Variants in THRA observed in about 807,000 individuals in gnomAD.
THRA encodes the protein EAR-7.
In THRA, 13 loss-of-function variants were observed where a neutral mutation model predicts 45.0. That is an observed-to-expected ratio of 0.29 (90% confidence interval 0.19 to 0.46). THRA has a LOEUF of 0.46. Among genes scored for constraint, THRA ranks in the 20% least tolerant of loss-of-function variants. The pLI is 1.00. For synonymous variants in THRA, 195 were observed against 214.0 expected (o/e 0.91, Z 0.78); for missense variants, 278 against 556.1 (o/e 0.50, Z 5.03).
intron 4 of THRA, among the ~76,000 whole-genome samples, chr17:40,080,104 ATTTATATGTT>A (rs2145066745): frequency 6.6e-6 from 1 of 152,020 alleles, no homozygotes; most frequent in African/African-American, 2.4e-5. Flanking sequence ...AAACAGAATG[ATTTATATGTT>A]AAAGGCCAGG....
chr17:40,089,803 T>C lies in THRA; in HGVS notation c.*347T>C. 2 of 1,140,578 alleles carry C rather than the reference T, an allele frequency of 1.8e-6. No individual in the cohort carries two copies. Among genetic ancestry groups the C allele is most frequent in the Non-Finnish European group, 2.2e-6 (2 of 922,008 alleles). The allele number at this position is 1,140,578 out of a possible 1,614,324, so 70.7% of individuals were successfully genotyped here. ...CCGTAGGGGAAGGAGGAATGTGGGC[T>C]GGGGGAAGATGCCCTCAACTCACCC... On this transcript the variant is annotated 3_prime_UTR_variant, in exon 9 of 9. Coordinates refer to ENST00000450525, the MANE Select transcript of THRA (RefSeq NM_199334.5). This position sits in a 1 kb window ranked among gnomAD's most constrained non-coding sequence, Gnocchi z 6.1.
At chr17:40,074,766 C>G (rs1986892594) in intron 2 of THRA, among the ~76,000 whole-genome samples, 1 of 152,218 alleles carries the variant, frequency 6.6e-6, no homozygotes, top group Admixed American at 6.5e-5. Flanking sequence ...AGAGCAATTA[C>G]AGGGAGCACA....
Position 40,092,889 on chromosome 17 carries a change from G to C in THRA, c.*3433G>C, listed in dbSNP as rs1026145763. 3 of 1,331,982 alleles carry C rather than the reference G, an allele frequency of 2.3e-6. No homozygotes were observed. The highest frequency in any genetic ancestry group is 3.0e-5 in the African/African-American group (2 of 67,468). 82.5% of individuals were successfully genotyped at this position (1,331,982 alleles called of 1,614,324 possible). On this transcript the variant is annotated 3_prime_UTR_variant, in exon 9 of 9. Transcript: ENST00000450525. Reference sequence around the variant, plus strand: ...ACAGAGTGGTTTAAATAGGGGAGGAGGGGAAGTTCGGTGATGGGGGAGGGA... The same window carrying C: ...ACAGAGTGGTTTAAATAGGGGAGGACGGGAAGTTCGGTGATGGGGGAGGGA...
rs1555545472 is a variant in THRA at position 40,092,318 on chromosome 17, C to CCG, written c.*2862_*2863insCG. On this transcript the variant is annotated 3_prime_UTR_variant, in exon 9 of 9. Transcript: ENST00000450525. ...AACTCCTGCCCTGGGAACTCCTGGGCGGGGGGGAGGGGGACACTGCCCAGA... is the reference window on the plus strand; with the variant it reads ...AACTCCTGCCCTGGGAACTCCTGGGCCGGGGGGGGAGGGGGACACTGCCCAGA... 9.7e-6 allele frequency: 1 copy of CCG among 102,624 alleles called. No homozygotes were observed. The highest frequency in any genetic ancestry group is 1.9e-5 in the Non-Finnish European group (1 of 51,878). 6.4% of individuals were successfully genotyped at this position (102,624 alleles called of 1,614,324 possible). A position where few individuals can be genotyped will look rare whatever the true frequency, so the allele number is the denominator to read the frequency against.
At position 40,084,602 on chromosome 17, in the gene THRA, G is replaced by C; in HGVS notation, c.371-8G>C. On this transcript the variant is annotated splice_polypyrimidine_tract_variant and splice_region_variant and intron_variant, in intron 5 of 8. Transcript: ENST00000450525. ...CATGCGTTAGACCTTGTGCCTCTCT[G>C]TTCACAGTGGTTCTAGATGACTCGA... is the stretch of plus-strand genomic sequence containing the variant. 6.2e-7 allele frequency: 1 copy of C among 1,614,002 alleles called. No homozygotes were observed. Among genetic ancestry groups the C allele is most frequent in the Non-Finnish European group, 8.5e-7 (1 of 1,179,948 alleles).
chr17:40,089,647 A>G lies in THRA; in HGVS notation c.*191A>G, dbSNP rs1987462469. ...CAGACCTCCAGCCCTGGGACAGGGCAAACAACTGAACTTGCTATGGAAAGG... is the reference window on the plus strand; with the variant it reads ...CAGACCTCCAGCCCTGGGACAGGGCGAACAACTGAACTTGCTATGGAAAGG... On this transcript the variant is annotated 3_prime_UTR_variant, in exon 9 of 9. Transcript: ENST00000450525. The surrounding 1 kb of genome is among the most constrained non-coding windows in gnomAD (Gnocchi z 6.1). 6 of 1,427,572 alleles carry G rather than the reference A, an allele frequency of 4.2e-6. No homozygotes were observed. The South Asian group carries it at 7.5e-5, about 18-fold the overall frequency. The allele number at this position is 1,427,572 out of a possible 1,614,324, so 88.4% of individuals were successfully genotyped here.
chr17:40,065,292 T>C (rs9898816), intron 1 of THRA, among the ~76,000 whole-genome samples: 46,385 of 151,898 alleles, frequency 0.31, 7,676 homozygotes, highest in African/African-American at 0.42. Flanking sequence ...AGTCAGTCAC[T>C]TCCAGCTGAG....
chr17:40,066,938 C>T (rs7217037), intron 1 of THRA, among the ~76,000 whole-genome samples: 39,830 of 151,996 alleles, frequency 0.26, 5,454 homozygotes, highest in Admixed American at 0.38. Context: ...TTAAAAGTGC[C>T]TAGTTCATAA....
chr17:40,069,585 G>A (rs1203795670), intron 1 of THRA, among the ~76,000 whole-genome samples: 16 of 152,146 alleles, frequency 1.1e-4, no homozygotes, highest in Admixed American at 9.8e-4. Context: ...CCAATTACCC[G>A]CTGGCTGCTG....
intron 3 of THRA, 66 bp downstream of exon 3, chr17:40,077,004 C>G: frequency 2.0e-6 from 3 of 1,500,874 alleles, no homozygotes; most frequent in South Asian, 2.3e-5. Context: ...CAGGGCTCCT[C>G]TGGACCTGGA....
At chr17:40,065,352 T>C (rs1986516263) in intron 1 of THRA, among the ~76,000 whole-genome samples, 1 of 152,200 alleles carries the variant, frequency 6.6e-6, no homozygotes, top group African/African-American at 2.4e-5. Context: ...TGTACCCTCC[T>C]GTCCAAACTT....
intron 4 of THRA, among the ~76,000 whole-genome samples, chr17:40,080,056 G>A (rs959717284): frequency 1.3e-5 from 2 of 148,906 alleles, no homozygotes; most frequent in East Asian, 2.0e-4. Context: ...GTGACAGAGC[G>A]ACAGAGTGAT....
intron 2 of THRA, among the ~76,000 whole-genome samples, chr17:40,075,077 G>A (rs1031563729): frequency 1.3e-5 from 2 of 152,280 alleles, no homozygotes; most frequent in Non-Finnish European, 2.9e-5. Flanking sequence ...CTGCGATGGG[G>A]CTCCTCCCAG....
downstream of THRA, chr17:40,093,586 C>T: frequency 1.2e-6 from 1 of 816,566 alleles, no homozygotes; most frequent in Non-Finnish European, 1.9e-6. This position sits in a 1 kb window ranked among gnomAD's most constrained non-coding sequence, Gnocchi z 5.9. Context: ...TTCCCTCTGC[C>T]TGGGATGCCC....
chr17:40,089,158 C>T lies in THRA; in HGVS notation c.983-48C>T, dbSNP rs144610084. On this transcript the variant is annotated intron_variant, in intron 8 of 8. Coordinates refer to ENST00000450525, the MANE Select transcript of THRA (RefSeq NM_199334.5). The surrounding 1 kb of genome is among the most constrained non-coding windows in gnomAD (Gnocchi z 6.1). The stretch of plus-strand genomic sequence containing the variant: ...CCCCACACCTCACCCTCCCCATCTC[C>T]AGGCCTTCGGCCAGCCCCTCGCCCC... 1.2e-5 allele frequency: 19 copies of T among 1,590,278 alleles called. No individual in the cohort carries two copies. The highest frequency in any genetic ancestry group is 1.5e-5 in the Non-Finnish European group (18 of 1,163,580).
At chr17:40,082,824 T>TGG (rs1392532230) in intron 4 of THRA, among the ~76,000 whole-genome samples, 1 of 136,752 alleles carries the variant, frequency 7.3e-6, no homozygotes, top group African/African-American at 2.8e-5. Context: ...TGGAATGCAG[T>TGG]GGCGCGATCT....
intron 5 of THRA, 146 bp from the exon 6 acceptor site, chr17:40,084,464 C>G (rs1987252640): frequency 1.2e-6 from 1 of 841,004 alleles, no homozygotes; most frequent in African/African-American, 1.7e-5. Flanking sequence ...TTGTGCTGCC[C>G]AACTGCTAGG....
At position 40,092,542 on chromosome 17, in the gene THRA, A is replaced by C. The variant is rs1987616726; in HGVS notation, c.*3086A>C. ...TTTTCACCCCGTTGTGTTTTGGGTC[A>C]GGATTTTAAAGAAAGATATTTTTAT... On this transcript the variant is annotated 3_prime_UTR_variant, in exon 9 of 9. Coordinates refer to ENST00000450525, the MANE Select transcript of THRA (RefSeq NM_199334.5). 1 of 155,920 alleles carries C rather than the reference A, an allele frequency of 6.4e-6. No individual in the cohort carries two copies. The highest frequency in any genetic ancestry group is 1.9e-4 in the South Asian group (1 of 5,310). The allele number at this position is 155,920 out of a possible 1,614,324, so 9.7% of individuals were successfully genotyped here.
intron 1 of THRA, among the ~76,000 whole-genome samples, chr17:40,069,911 A>G (rs1341440914): frequency 1.3e-5 from 2 of 150,896 alleles, no homozygotes; most frequent in Admixed American, 6.6e-5. Flanking sequence ...GGGGGAGCCG[A>G]GTGGGAAGCA....
Sources: allele counts gnomAD v4.1 joint callset (sites outside exome capture counted in the v4.1 genomes callset), GRCh38; gene constraint gnomAD v4.1.1; non-coding constraint Gnocchi (gnomAD v3.1); transcripts MANE v1.5; gene names NCBI Gene and HGNC (gene_info 2026-07-23, HGNC 2026-07-21).